Variants in SAMD3 observed in about 807,000 individuals in gnomAD.
SAMD3 encodes the protein sterile alpha motif domain containing 3.
SAMD3 carries 63 observed loss-of-function variants against 58.5 expected under a neutral mutation model. The observed-to-expected ratio is 1.08, with a 90% CI of 0.88 to 1.33. SAMD3 has a LOEUF of 1.33. SAMD3 is among the 40% of genes most tolerant of loss of function. The pLI is 0.00. For synonymous variants in SAMD3, 220 were observed against 210.3 expected (o/e 1.05, Z -0.40); for missense variants, 604 against 608.4 (o/e 0.99, Z 0.08).
chr6:130,362,996 C>T (rs948001746), intron 1 of SAMD3, among the ~76,000 whole-genome samples: 4 of 152,036 alleles, frequency 2.6e-5, no homozygotes, highest in African/African-American at 9.7e-5. Flanking sequence ...CTATATTCCT[C>T]CCCCTATTTA....
intron 2 of SAMD3, among the ~76,000 whole-genome samples, chr6:130,271,518 A>G (rs1774563101): frequency 6.6e-6 from 1 of 152,012 alleles, no homozygotes; most frequent in Admixed American, 6.5e-5. Context: ...TGTTTTTTAA[A>G]TTGTTGATTT....
At chr6:130,277,503 C>A (rs1173166463) in intron 2 of SAMD3, among the ~76,000 whole-genome samples, 3 of 152,220 alleles carry the variant, frequency 2.0e-5, no homozygotes, top group Non-Finnish European at 4.4e-5. Context: ...TTCAAACATA[C>A]CATCTTGTTC....
chr6:130,173,748 C>T (rs889602925), intron 8 of SAMD3, among the ~76,000 whole-genome samples: 16 of 152,228 alleles, frequency 1.1e-4, no homozygotes, highest in Non-Finnish European at 1.3e-4. Context: ...CTGCTCTCTT[C>T]AGAGCCAGCA....
At chr6:130,182,021 T>C (rs574028252) in intron 7 of SAMD3, among the ~76,000 whole-genome samples, 39 of 146,270 alleles carry the variant, frequency 2.7e-4, no homozygotes, top group Middle Eastern at 3.5e-3. Context: ...GTCGAGATCG[T>C]GCCACTGCAC....
intron 2 of SAMD3, among the ~76,000 whole-genome samples, chr6:130,235,264 C>T (rs1773106423): frequency 6.6e-6 from 1 of 152,162 alleles, no homozygotes; most frequent in South Asian, 2.1e-4. Context: ...AGAACTAAAT[C>T]ATATTGTGTG....
intron 5 of SAMD3, among the ~76,000 whole-genome samples, chr6:130,202,674 A>G (rs548400852): frequency 3.0e-4 from 46 of 152,362 alleles, no homozygotes; most frequent in African/African-American, 9.4e-4. Flanking sequence ...TTGTTTTACT[A>G]TAAGACTCCT....
chr6:130,205,357 G>A (rs1466970402), intron 5 of SAMD3, among the ~76,000 whole-genome samples: 1 of 151,966 alleles, frequency 6.6e-6, no homozygotes, highest in Non-Finnish European at 1.5e-5. Flanking sequence ...AGGCTGGAGT[G>A]CAATGGAGTG....
chr6:130,205,488 G>C (rs1316005200), intron 5 of SAMD3, among the ~76,000 whole-genome samples: 1 of 151,978 alleles, frequency 6.6e-6, no homozygotes, highest in East Asian at 1.9e-4. Context: ...ATTTTTAGTA[G>C]AGACGGGGTT....
Position 130,249,231 on chromosome 6 carries a change from T to C in SAMD3, c.-187-26418A>G, listed in dbSNP as rs559640850. Among the ~76,000 whole-genome samples, 3 of 152,340 alleles carry C rather than the reference T, an allele frequency of 2.0e-5. No homozygotes were observed. The South Asian group carries it at 6.2e-4, about 32-fold the overall frequency. On this transcript the variant is annotated intron_variant, in intron 2 of 13. Transcript: ENST00000368134. The stretch of plus-strand genomic sequence containing the variant: ...ATGTCCTGATTTTAGCTCCTCTTTG[T>C]CTTCATGAGTCTAATATGACTTACC...
At chr6:130,175,713 TAACTA>T in intron 8 of SAMD3, 123 bp downstream of exon 8, 1 of 611,428 alleles carries the variant, frequency 1.6e-6, no homozygotes, top group Non-Finnish European at 2.7e-6. Flanking sequence ...TCTTGGTTCT[TAACTA>T]CACTTCAAAT....
chr6:130,215,651 G>A, intron 2 of SAMD3: 1 of 1,394,552 alleles, frequency 7.2e-7, no homozygotes, highest in Admixed American at 3.0e-5. Context: ...AGAAAAGAAA[G>A]GTGTGAAATT....
intron 2 of SAMD3, among the ~76,000 whole-genome samples, chr6:130,307,014 C>T (rs1775931361): frequency 6.6e-6 from 1 of 152,194 alleles, no homozygotes; most frequent in South Asian, 2.1e-4. Context: ...CTCTCATTCT[C>T]TCTGTTTCCT....
chr6:130,328,331 C>T (rs116099017), intron 1 of SAMD3, among the ~76,000 whole-genome samples: 2,902 of 152,278 alleles, frequency 0.019, 90 homozygotes, highest in African/African-American at 0.065. Context: ...ACCCTCACTT[C>T]CTGGTGGGCT....
chr6:130,204,338 T>C (rs1424229010), intron 5 of SAMD3, among the ~76,000 whole-genome samples: 2 of 152,130 alleles, frequency 1.3e-5, no homozygotes, highest in Non-Finnish European at 2.9e-5. Flanking sequence ...ATGATGAGGA[T>C]GGGACCTATT....
chr6:130,243,685 AATAT>A (rs1213683175), intron 2 of SAMD3, among the ~76,000 whole-genome samples: 1 of 152,214 alleles, frequency 6.6e-6, no homozygotes, highest in African/African-American at 2.4e-5. Context: ...GACTGTGCTA[AATAT>A]ATATGTATAT....
intron 5 of SAMD3, among the ~76,000 whole-genome samples, chr6:130,204,828 CAG>C (rs1253712215): frequency 7.1e-6 from 1 of 140,878 alleles, no homozygotes; most frequent in Non-Finnish European, 1.5e-5. Flanking sequence ...TTTCAGGGAA[CAG>C]AGGAAAAAAA....
At chr6:130,190,394 T>C (rs1022346310) in intron 5 of SAMD3, among the ~76,000 whole-genome samples, 13 of 151,884 alleles carry the variant, frequency 8.6e-5, no homozygotes, top group Non-Finnish European at 1.6e-4. Flanking sequence ...ATGAACCAGA[T>C]GTCGGCAAGG....
intron 1 of SAMD3, among the ~76,000 whole-genome samples, chr6:130,221,130 A>C (rs1796207426): frequency 6.6e-6 from 1 of 152,114 alleles, no homozygotes; most frequent in Non-Finnish European, 1.5e-5. Context: ...CTGGGATTAC[A>C]GGCATGAGCC....
intron 5 of SAMD3, among the ~76,000 whole-genome samples, chr6:130,205,172 A>AT (rs397746254): frequency 6.6e-6 from 1 of 150,812 alleles, no homozygotes; most frequent in Non-Finnish European, 1.5e-5. Context: ...AAAAAAAAAA[A>AT]TTAGTATATG....
Sources: allele counts gnomAD v4.1 joint callset (sites outside exome capture counted in the v4.1 genomes callset), GRCh38; gene constraint gnomAD v4.1.1; transcripts MANE v1.5; gene names NCBI Gene and HGNC (gene_info 2026-07-23, HGNC 2026-07-21).